TAFA2: variants seen among roughly 807,000 people sequenced by gnomAD.
The protein encoded by TAFA2 is TAFA chemokine like family member 2.
Under a neutral mutation model 18.8 loss-of-function variants are expected in TAFA2, and 7 were observed. That is an observed-to-expected ratio of 0.37 (90% CI 0.21 to 0.70). The LOEUF (loss-of-function observed/expected upper bound fraction) is 0.70. Among genes scored for constraint, TAFA2 ranks in the 30% least tolerant of loss-of-function variants. The probability of loss-of-function intolerance (pLI) is 0.53; values close to 1 mark genes in which losing one functional copy is unlikely to be tolerated. For missense variants in TAFA2, 122 were observed against 158.1 expected (o/e 0.77, Z 1.23); for synonymous variants, 60 against 54.2 (o/e 1.11, Z -0.47).
At chr12:62,092,915 T>C (rs1868781236) in intron 1 of TAFA2, among the ~76,000 whole-genome samples, 1 of 151,978 alleles carries the variant, frequency 6.6e-6, no homozygotes, top group South Asian at 2.1e-4. Flanking sequence ...TTTTAAACCA[T>C]TACAATTAAG....
chr12:62,106,200 G>C (rs1869443652), intron 1 of TAFA2, among the ~76,000 whole-genome samples: 1 of 151,910 alleles, frequency 6.6e-6, no homozygotes, highest in Non-Finnish European at 1.5e-5. Flanking sequence ...CGGGTGTGGT[G>C]GTGGGCGCCT....
At chr12:61,720,759 G>C (rs115500287) in intron 4 of TAFA2, 1 of 383,068 alleles carries the variant, frequency 2.6e-6, no homozygotes, top group African/African-American at 2.1e-5. Context: ...TGAAACTTCT[G>C]TCCCTTCCTT....
In TAFA2 at chr12:61,883,191, C is replaced by T. The variant is rs143590575; in HGVS notation, c.-1-15765G>A. The stretch of plus-strand genomic sequence containing the variant: ...TAGTAAACAAAAAAAATTCATCTTT[C>T]AGCTAGTAAGTAGATTACAAGTTTG... On this transcript the variant is annotated intron_variant, in intron 1 of 4. Transcript: ENST00000416284. Among the ~76,000 whole-genome samples, 994 of 152,232 alleles carry T rather than the reference C, an allele frequency of 6.5e-3. 6 individuals carry two copies. The highest frequency in any genetic ancestry group is 0.023 in the African/African-American group (944 of 41,522).
At chr12:61,831,558 G>A (rs973862800) in intron 2 of TAFA2, among the ~76,000 whole-genome samples, 1 of 152,036 alleles carries the variant, frequency 6.6e-6, no homozygotes, top group African/African-American at 2.4e-5. Context: ...TGGAATTTCA[G>A]CCTTTTGTAA....
rs191334243 is a variant in TAFA2 at position 62,021,915 on chromosome 12, C to A, written c.-1-154489G>T. On this transcript the variant is annotated intron_variant, in intron 1 of 4. Transcript: ENST00000416284. The stretch of plus-strand genomic sequence containing the variant: ...TGACCTCACAGCCTTTGGCCCCACT[C>A]TCCATGATGAATTGCAACACACCAT... The A allele has an allele frequency of 7.9e-4, 587 of 741,670 alleles. 1 individual carries two copies. The African/African-American group carries it at 8.5e-3, about 11-fold the overall frequency. The allele number at this position is 741,670 out of a possible 1,614,324, so 45.9% of individuals were successfully genotyped here.
intron 1 of TAFA2, among the ~76,000 whole-genome samples, chr12:62,230,638 A>G (rs796716792): frequency 7.9e-5 from 12 of 152,244 alleles, no homozygotes; most frequent in African/African-American, 2.9e-4. Context: ...CATAAGGTCT[A>G]TTCTAAAGAA....
chr12:62,030,949 C>A (rs1486161904), intron 1 of TAFA2, among the ~76,000 whole-genome samples: 1 of 152,042 alleles, frequency 6.6e-6, no homozygotes, highest in African/African-American at 2.4e-5. Context: ...GGAGGTGTGG[C>A]CTTAATCTCA....
In TAFA2 at chr12:61,716,474, T is replaced by A. The variant is rs549405394; in HGVS notation, c.385-6057A>T. 3.3e-5 allele frequency among the ~76,000 whole-genome samples: 5 copies of A among 152,252 alleles called. No homozygotes were observed. The South Asian group carries it at 1.0e-3, about 32-fold the overall frequency. ...TTTGAGTTCTACCCTATATCCCAGA[T>A]TTTTTTAAATTTCAGTTGTTCCATT... On this transcript the variant is annotated intron_variant, in intron 4 of 4. Transcript: ENST00000416284.
rs118099839 is a variant in TAFA2 at position 62,054,716 on chromosome 12, T to C, written c.-2+136543A>G. On this transcript the variant is annotated intron_variant, in intron 1 of 4. Coordinates refer to ENST00000416284, the MANE Select transcript of TAFA2 (RefSeq NM_178539.5). Reference sequence around the variant, plus strand: ...TTACATAAAACAATATGCTCTTCTATAAAGCTGTGTTCTAAATATATAACG... The same window carrying C: ...TTACATAAAACAATATGCTCTTCTACAAAGCTGTGTTCTAAATATATAACG... Among the ~76,000 whole-genome samples the C allele has an allele frequency of 7.2e-3, 1,095 of 152,356 alleles. 3 individuals are homozygous for C. The highest frequency in any genetic ancestry group is 0.044 in the Middle Eastern group (13 of 294).
At chr12:61,756,791 G>A (rs934666714) in intron 2 of TAFA2, among the ~76,000 whole-genome samples, 1 of 152,070 alleles carries the variant, frequency 6.6e-6, no homozygotes, top group African/African-American at 2.4e-5. Context: ...TCTTTGAGGA[G>A]ATAATCCGAA....
At chr12:61,785,037 C>T (rs1288186766) in intron 2 of TAFA2, among the ~76,000 whole-genome samples, 2 of 151,382 alleles carry the variant, frequency 1.3e-5, no homozygotes, top group Admixed American at 6.6e-5. Context: ...TCCTTCAATG[C>T]TGTAGAACAT....
At chr12:61,919,794 G>A (rs1356503655) in intron 1 of TAFA2, among the ~76,000 whole-genome samples, 3 of 151,706 alleles carry the variant, frequency 2.0e-5, no homozygotes. Context: ...TTTAATCACT[G>A]AAGCTAAATT....
chr12:61,951,718 A>G (rs755742573), intron 1 of TAFA2, among the ~76,000 whole-genome samples: 13 of 152,106 alleles, frequency 8.5e-5, no homozygotes, highest in African/African-American at 1.4e-4. Flanking sequence ...TAAGGCATAC[A>G]CTACAAATTT....
At chr12:62,103,420 G>C (rs2136853301) in intron 1 of TAFA2, among the ~76,000 whole-genome samples, 1 of 152,250 alleles carries the variant, frequency 6.6e-6, no homozygotes, top group Admixed American at 6.5e-5. Context: ...ACAGCAACTA[G>C]AGTTGTGCAG....
chr12:61,839,921 C>G (rs1873101289), intron 2 of TAFA2, among the ~76,000 whole-genome samples: 1 of 151,846 alleles, frequency 6.6e-6, no homozygotes, highest in South Asian at 2.1e-4. Flanking sequence ...TATAAGAATA[C>G]TGAGAAAAAA....
At chr12:62,130,406 T>C (rs1870633592) in intron 1 of TAFA2, among the ~76,000 whole-genome samples, 2 of 151,864 alleles carry the variant, frequency 1.3e-5, no homozygotes, top group South Asian at 4.2e-4. Flanking sequence ...AAATACACAA[T>C]TCAAGGGGGT....
At chr12:61,799,689 G>A (rs997798644) in intron 2 of TAFA2, among the ~76,000 whole-genome samples, 2 of 152,132 alleles carry the variant, frequency 1.3e-5, no homozygotes, top group African/African-American at 4.8e-5. Context: ...GGGCGTGGTG[G>A]CTGGCGCCTG....
intron 4 of TAFA2, among the ~76,000 whole-genome samples, chr12:61,728,528 C>T (rs1870283120): frequency 6.6e-6 from 1 of 151,742 alleles, no homozygotes; most frequent in African/African-American, 2.4e-5. Flanking sequence ...TCTGTTTTGT[C>T]TGATATAAGA....
intron 1 of TAFA2, among the ~76,000 whole-genome samples, chr12:62,156,181 A>G (rs1325756684): frequency 6.6e-6 from 1 of 152,226 alleles, no homozygotes; most frequent in Non-Finnish European, 1.5e-5. Context: ...ATGGCCAACA[A>G]ACATATGAAA....
Sources: allele counts gnomAD v4.1 joint callset (sites outside exome capture counted in the v4.1 genomes callset), GRCh38; gene constraint gnomAD v4.1.1; transcripts MANE v1.5; gene names NCBI Gene and HGNC (gene_info 2026-07-23, HGNC 2026-07-21).